The following MGAT4C variants were observed in gnomAD, a reference collection of about 807,000 sequenced individuals.
The protein encoded by MGAT4C is alpha-1,3-mannosyl-glycoprotein 4-beta-N-acetylglucosaminyltransferase C.
Under a neutral mutation model 40.1 loss-of-function variants are expected in MGAT4C, and 19 were observed. The ratio of observed to expected loss-of-function variants is 0.47; its 90% confidence interval spans 0.33 to 0.70. MGAT4C has a LOEUF of 0.70. Ranked by LOEUF, MGAT4C falls within the 30% of genes least tolerant of loss-of-function variation. The pLI is 0.02. For missense variants in MGAT4C, 491 were observed against 563.2 expected, an observed-to-expected ratio of 0.87 and a Z score of 1.30; for synonymous variants, 181 against 187.1, an observed-to-expected ratio of 0.97 and a Z score of 0.27.
intron 2 of MGAT4C, among the ~76,000 whole-genome samples, chr12:86,662,793 T>G (rs2136550814): frequency 6.6e-6 from 1 of 152,342 alleles, no homozygotes; most frequent in Admixed American, 6.5e-5. Context: ...AATCATAAAC[T>G]AATTTGATCA....
At chr12:86,398,119 C>G (rs1956293008) in intron 3 of MGAT4C, among the ~76,000 whole-genome samples, 1 of 152,166 alleles carries the variant, frequency 6.6e-6, no homozygotes, top group Non-Finnish European at 1.5e-5. Context: ...TGACTGTGAA[C>G]TTGGTGTTTA....
intron 1 of MGAT4C, among the ~76,000 whole-genome samples, chr12:86,109,265 T>C (rs1347554043): frequency 6.6e-6 from 1 of 152,110 alleles, no homozygotes; most frequent in Admixed American, 6.6e-5. Flanking sequence ...AATTAATAGG[T>C]CTCCTCTTTT....
intron 2 of MGAT4C, among the ~76,000 whole-genome samples, chr12:86,600,595 G>A (rs1302004345): frequency 6.6e-6 from 1 of 152,170 alleles, no homozygotes; most frequent in Non-Finnish European, 1.5e-5. Flanking sequence ...CACAAAGTAT[G>A]GCCCATCTAA....
chr12:86,611,310 G>A (rs368379840), intron 2 of MGAT4C, among the ~76,000 whole-genome samples: 3 of 151,860 alleles, frequency 2.0e-5, no homozygotes, highest in Admixed American at 6.6e-5. Flanking sequence ...CAGCAGATAC[G>A]CAAAGACGTG....
intron 2 of MGAT4C, among the ~76,000 whole-genome samples, chr12:85,991,571 T>G (rs1258423626): frequency 2.0e-5 from 3 of 152,068 alleles, no homozygotes; most frequent in Non-Finnish European, 2.9e-5. Context: ...CTCAGCCCCC[T>G]CCTTGGTTAT....
intron 3 of MGAT4C, among the ~76,000 whole-genome samples, chr12:85,988,029 A>C (rs1475627307): frequency 6.6e-6 from 1 of 152,200 alleles, no homozygotes; most frequent in African/African-American, 2.4e-5. Flanking sequence ...TGTTGTCCTT[A>C]TTATATCTCA....
chr12:86,168,375 T>C (rs1886417497), intron 1 of MGAT4C, among the ~76,000 whole-genome samples: 1 of 152,194 alleles, frequency 6.6e-6, no homozygotes, highest in Non-Finnish European at 1.5e-5. Context: ...ATGTACAGCA[T>C]CACTTATTCA....
rs551597909 is a variant in MGAT4C at position 85,976,167 on chromosome 12, C to T, written c.*3122G>A. 2.0e-5 allele frequency: 3 copies of T among 150,752 alleles called. No individual in the cohort carries two copies. The highest frequency in any genetic ancestry group is 3.0e-5 in the Non-Finnish European group (2 of 67,086). 9.3% of individuals were successfully genotyped at this position (150,752 alleles called of 1,614,324 possible). On this transcript the variant is annotated 3_prime_UTR_variant, in exon 5 of 5. Transcript: ENST00000611864. ...ATAAAAATTCCCAGAGAATACTGGC[C>T]CAGTAAGAAATGGAATGTTCACAAC...
At chr12:86,579,216 T>C (rs1249977299) in intron 2 of MGAT4C, among the ~76,000 whole-genome samples, 1 of 151,430 alleles carries the variant, frequency 6.6e-6, no homozygotes, top group Non-Finnish European at 1.5e-5. Context: ...TGTTTTGTGG[T>C]CTTCTCTTCC....
chr12:86,321,023 A>G (rs1053395582), intron 4 of MGAT4C, among the ~76,000 whole-genome samples: 4 of 152,160 alleles, frequency 2.6e-5, no homozygotes, highest in Non-Finnish European at 5.9e-5. Flanking sequence ...TTCTAATTTC[A>G]TATTCTAAAG....
chr12:86,389,641 C>A (rs996828140), intron 3 of MGAT4C, among the ~76,000 whole-genome samples: 7 of 152,142 alleles, frequency 4.6e-5, no homozygotes, highest in Non-Finnish European at 1.0e-4. Flanking sequence ...AATAACTGAA[C>A]TAATTTACCC....
rs1216933144 is a variant in MGAT4C, at chr12:86,146,304, G to A, written c.-56-96581C>T. Among the ~76,000 whole-genome samples the A allele has an allele frequency of 2.0e-5, 3 of 151,976 alleles. No individual in the cohort carries two copies. The East Asian group carries it at 5.8e-4, about 29-fold the overall frequency. The stretch of plus-strand genomic sequence containing the variant: ...GTAAAATTAACATTTTTGCATTCTT[G>A]AGGGAATCCACATGTCCCATCGTGT... On this transcript the variant is annotated intron_variant, in intron 1 of 4. Transcript: ENST00000611864.
intron 1 of MGAT4C, among the ~76,000 whole-genome samples, chr12:86,781,034 G>A (rs1343722506): frequency 6.6e-6 from 1 of 151,928 alleles, no homozygotes; most frequent in Non-Finnish European, 1.5e-5. Flanking sequence ...GTGTGTGTGT[G>A]TGTATGTATG....
rs963671255 is a variant in MGAT4C, at chr12:85,959,422, T to C, written c.*19867A>G. ...TTCTTTTTTCCTTTTCTCTTCCCCTTTCTCTCTCTTTCTCTTTTTTATTTT... is the reference window on the plus strand; with the variant it reads ...TTCTTTTTTCCTTTTCTCTTCCCCTCTCTCTCTCTTTCTCTTTTTTATTTT... On this transcript the variant is annotated 3_prime_UTR_variant, in exon 5 of 5. Coordinates refer to ENST00000611864, the MANE Select transcript of MGAT4C (RefSeq NM_001351288.2). 1 of 152,030 alleles carries C rather than the reference T, an allele frequency of 6.6e-6. No individual in the cohort carries two copies. Among genetic ancestry groups the C allele is most frequent in the Non-Finnish European group, 1.5e-5 (1 of 67,944 alleles). 9.4% of individuals were successfully genotyped at this position (152,030 alleles called of 1,614,324 possible).
intron 3 of MGAT4C, among the ~76,000 whole-genome samples, chr12:86,341,964 C>G (rs113827488): frequency 0.02 from 3,003 of 152,248 alleles, 92 homozygotes; most frequent in African/African-American, 0.068. Context: ...TGACAGAGGG[C>G]TGAAGTGGAC....
chr12:86,007,915 G>A (rs1479210984), intron 2 of MGAT4C, among the ~76,000 whole-genome samples: 1 of 138,910 alleles, frequency 7.2e-6, no homozygotes, highest in Non-Finnish European at 1.6e-5. Context: ...AGAGGATGAA[G>A]TCCCTTTTCT....
At chr12:86,779,963 G>A (rs919411920) in intron 1 of MGAT4C, among the ~76,000 whole-genome samples, 1 of 151,466 alleles carries the variant, frequency 6.6e-6, no homozygotes, top group South Asian at 2.1e-4. Context: ...AGATACACTT[G>A]TAATAAATAG....
At chr12:86,106,086 G>A (rs1188222631) in intron 1 of MGAT4C, among the ~76,000 whole-genome samples, 1 of 152,046 alleles carries the variant, frequency 6.6e-6, no homozygotes, top group Admixed American at 6.6e-5. Context: ...CTTTATGCAT[G>A]GAATATGTAC....
At chr12:86,187,291 G>A (rs1888866692) in intron 1 of MGAT4C, among the ~76,000 whole-genome samples, 1 of 151,834 alleles carries the variant, frequency 6.6e-6, no homozygotes, top group Non-Finnish European at 1.5e-5. Flanking sequence ...ATTATTATAA[G>A]TTTGAAGTTT....
Sources: allele counts gnomAD v4.1 joint callset (sites outside exome capture counted in the v4.1 genomes callset), GRCh38; gene constraint gnomAD v4.1.1; transcripts MANE v1.5; gene names NCBI Gene and HGNC (gene_info 2026-07-23, HGNC 2026-07-21).